ABCG8: variants seen among roughly 807,000 people sequenced by gnomAD.
ABCG8 encodes the protein ATP binding cassette subfamily G member 8.
Under a neutral mutation model 71.3 loss-of-function variants are expected in ABCG8, and 81 were observed. The observed-to-expected ratio is 1.14, with a 90% confidence interval of 0.95 to 1.37. The LOEUF (loss-of-function observed/expected upper bound fraction) is 1.37. Among genes scored for constraint, ABCG8 ranks in the 40% most tolerant of loss-of-function variants. ABCG8 has a pLI of 0.00. For synonymous variants in ABCG8, 451 were observed against 354.7 expected, an observed-to-expected ratio of 1.27 and a Z score of -3.05; for missense variants, 1,119 against 866.2, an observed-to-expected ratio of 1.29 and a Z score of -3.66.
At chr2:43,858,830 A>G (rs865830478) in intron 6 of ABCG8, among the ~76,000 whole-genome samples, 1 of 150,628 alleles carries the variant, frequency 6.6e-6, no homozygotes, top group Admixed American at 6.6e-5. Context: ...CTCACTATCT[A>G]TCTGGATAGA....
chr2:43,854,476 G>A (rs1244976071), intron 6 of ABCG8, among the ~76,000 whole-genome samples: 1 of 151,884 alleles, frequency 6.6e-6, no homozygotes, highest in East Asian at 1.9e-4. Context: ...AAAAATATAT[G>A]AATTAGCTGG....
intron 6 of ABCG8, among the ~76,000 whole-genome samples, chr2:43,853,698 C>T (rs543902370): frequency 2.0e-5 from 3 of 152,184 alleles, no homozygotes; most frequent in Non-Finnish European, 4.4e-5. Context: ...ACTCTCAAGC[C>T]CCGGCCAGGC....
At chr2:43,874,378 A>G (rs772037143) in intron 9 of ABCG8, 29 bp from the exon 10 acceptor site, 2 of 1,510,600 alleles carry the variant, frequency 1.3e-6, no homozygotes, top group Non-Finnish European at 1.8e-6. Context: ...CTACTTCTTC[A>G]TTCTCTTTTC....
chr2:43,846,607 G>A, intron 3 of ABCG8: 1 of 414,762 alleles, frequency 2.4e-6, no homozygotes, highest in Non-Finnish European at 4.6e-6. Flanking sequence ...TCAGCAAACA[G>A]CTCCAGCATG....
chr2:43,849,948 C>G (rs759123983), intron 3 of ABCG8, among the ~76,000 whole-genome samples: 1 of 152,122 alleles, frequency 6.6e-6, no homozygotes, highest in African/African-American at 2.4e-5. Flanking sequence ...GTCTGTCATC[C>G]CAGCACTTTG....
chr2:43,852,556 C>T, intron 5 of ABCG8, 43 bp from the exon 6 acceptor site: 1 of 1,614,008 alleles, frequency 6.2e-7, no homozygotes, highest in Non-Finnish European at 8.5e-7. Flanking sequence ...TTGGTCTGGC[C>T]AGAGCCCCAC....
chr2:43,864,198 A>G (rs561352686), intron 6 of ABCG8, among the ~76,000 whole-genome samples: 1 of 151,602 alleles, frequency 6.6e-6, no homozygotes, highest in South Asian at 2.1e-4. Flanking sequence ...CTCTCTATAT[A>G]TAGAATTCCC....
intron 2 of ABCG8, 34 bp from the exon 3 acceptor site, chr2:43,846,121 G>C (rs375352582): frequency 6.2e-7 from 1 of 1,611,800 alleles, no homozygotes; most frequent in Non-Finnish European, 8.5e-7. Context: ...GAACCATTCA[G>C]CTCTCTAAGG....
At chr2:43,862,079 A>C (rs796505021) in intron 6 of ABCG8, among the ~76,000 whole-genome samples, 4,114 of 144,542 alleles carry the variant, frequency 0.028, no homozygotes, top group South Asian at 0.053. Flanking sequence ...TAGAATTCTT[A>C]CTCTCTTGGT....
In ABCG8 at chr2:43,839,403, C is replaced by CTTTTTTTTTTTTTTTTT. The variant is rs537784677; in HGVS notation, c.63+312_63+328dup. Among the ~76,000 whole-genome samples, 13 of 59,296 alleles carry CTTTTTTTTTTTTTTTTT rather than the reference C, an allele frequency of 2.2e-4. 3 individuals carry two copies. The highest frequency in any genetic ancestry group is 3.8e-4 in the Non-Finnish European group (12 of 31,222). The allele number at this position is 59,296 out of a possible 152,430, so 38.9% of individuals were successfully genotyped here. A position where few individuals can be genotyped will look rare whatever the true frequency, so the allele number is the denominator to read the frequency against. On this transcript the variant is annotated intron_variant, in intron 1 of 12. Coordinates refer to ENST00000272286, the MANE Select transcript of ABCG8 (RefSeq NM_022437.3). ...CACTTTTTCTTTTTTCTTTTCTTCT[C>CTTTTTTTTTTTTTTTTT]TTTTTTTTTTTTTTTTTTTTTTTTT...
At chr2:43,874,375 T>C (rs778489782) in intron 9 of ABCG8, 32 bp from the exon 10 acceptor site, 1 of 1,491,880 alleles carries the variant, frequency 6.7e-7, no homozygotes, top group Non-Finnish European at 9.3e-7. Context: ...ATTCTACTTC[T>C]TCATTCTCTT....
At chr2:43,868,337 G>A (rs72798817) in intron 6 of ABCG8, among the ~76,000 whole-genome samples, 7,865 of 151,416 alleles carry the variant, frequency 0.052, 182 homozygotes, top group Middle Eastern at 0.12. Flanking sequence ...CTGTCTGGTA[G>A]AATTCTCACT....
chr2:43,856,851 TCTCA>T (rs1374450796), intron 6 of ABCG8, among the ~76,000 whole-genome samples: 1 of 151,860 alleles, frequency 6.6e-6, no homozygotes, highest in Non-Finnish European at 1.5e-5. Context: ...TGGATAGAAT[TCTCA>T]CTCTCTGGAT....
intron 3 of ABCG8, among the ~76,000 whole-genome samples, chr2:43,848,932 G>T (rs369700461): frequency 3.4e-5 from 5 of 147,224 alleles, no homozygotes; most frequent in African/African-American, 1.3e-4. Context: ...TGATGTGGGA[G>T]AATCGCTTGA....
At chr2:43,839,647 C>A (rs1417091019) in intron 1 of ABCG8, among the ~76,000 whole-genome samples, 1 of 151,960 alleles carries the variant, frequency 6.6e-6, no homozygotes, top group African/African-American at 2.4e-5. Flanking sequence ...GGCTCAAACT[C>A]CTGACCTCAG....
intron 1 of ABCG8, among the ~76,000 whole-genome samples, chr2:43,840,520 G>A (rs533736680): frequency 2.0e-5 from 3 of 152,272 alleles, no homozygotes; most frequent in Middle Eastern, 3.4e-3. Flanking sequence ...GCTGAGTGAC[G>A]GTCTGCCCGT....
At chr2:43,843,143 C>G (rs747108414) in intron 1 of ABCG8, among the ~76,000 whole-genome samples, 1 of 152,222 alleles carries the variant, frequency 6.6e-6, no homozygotes, top group Non-Finnish European at 1.5e-5. Flanking sequence ...TCTGCCTGGT[C>G]TGTCTCGCTC....
chr2:43,873,264 CT>C (rs1479673257), intron 8 of ABCG8, among the ~76,000 whole-genome samples: 3 of 151,728 alleles, frequency 2.0e-5, no homozygotes, highest in African/African-American at 7.3e-5. Flanking sequence ...TCTTGGCTCA[CT>C]GCAACCTCCG....
rs1262203792 is a variant in ABCG8, at chr2:43,874,464, G to A, written c.1469G>A (p.Gly490Asp). ...YELEDGLYTT[G>D]PYFFAKILGE... The stretch of plus-strand genomic sequence containing the variant: ...CTGGAAGACGGGCTGTACACCACTG[G>A]TCCATATTTCTTTGCCAAGGTGACT... The change falls in exon 10 of 13, where the codon GGT becomes GAT. Residue 490 changes from glycine (G) to aspartate (D), a missense_variant. Gly to Asp is a moderately conservative substitution (Grantham distance 94, BLOSUM62 -1). Coordinates refer to ENST00000272286, the MANE Select transcript of ABCG8 (RefSeq NM_022437.3). 6.2e-7 allele frequency: 1 copy of A among 1,613,684 alleles called. No individual in the cohort carries two copies. The highest frequency in any genetic ancestry group is 2.2e-5 in the East Asian group (1 of 44,854).
Sources: allele counts gnomAD v4.1 joint callset (sites outside exome capture counted in the v4.1 genomes callset), GRCh38; gene constraint gnomAD v4.1.1; transcripts MANE v1.5; gene names NCBI Gene and HGNC (gene_info 2026-07-23, HGNC 2026-07-21).